ANKRD36C: variants seen among roughly 807,000 people sequenced by gnomAD.
The protein encoded by ANKRD36C is ankyrin repeat domain 36C.
In ANKRD36C, 61 loss-of-function variants were observed where a neutral mutation model predicts 276.4. That is an observed-to-expected ratio of 0.22 (90% CI 0.18 to 0.27). The LOEUF (loss-of-function observed/expected upper bound fraction) is 0.27. Among genes scored for constraint, ANKRD36C ranks in the 10% least tolerant of loss-of-function variants. ANKRD36C has a pLI of 1.00. For missense variants in ANKRD36C, 1,447 were observed against 2,032.3 expected (o/e 0.71, Z 5.54); for synonymous variants, 483 against 680.1 (o/e 0.71, Z 4.51).
intron 3 of ANKRD36C, among the ~76,000 whole-genome samples, chr2:95,984,539 G>C (rs535454635): frequency 6.6e-6 from 1 of 152,088 alleles, no homozygotes; most frequent in Non-Finnish European, 1.5e-5. Context: ...TGTATGTAAC[G>C]CAAGTATTTT....
intron 59 of ANKRD36C, among the ~76,000 whole-genome samples, chr2:95,870,545 T>A (rs1675783386): frequency 6.6e-6 from 1 of 151,858 alleles, no homozygotes. Context: ...CAAAAGTAGA[T>A]AAAACCTCAA....
chr2:95,929,047 C>T (rs774400508), intron 26 of ANKRD36C, 25 bp downstream of exon 26: 1 of 1,601,262 alleles, frequency 6.2e-7, no homozygotes. Flanking sequence ...TTGAACATGA[C>T]ATTAGAAGTG....
intron 8 of ANKRD36C, among the ~76,000 whole-genome samples, chr2:95,961,038 G>A (rs1295962554): frequency 6.6e-6 from 1 of 152,014 alleles, no homozygotes; most frequent in Non-Finnish European, 1.5e-5. Context: ...GCTCCTGCAT[G>A]TTTTTCATGT....
At chr2:95,869,072 T>C (rs1480920730) in intron 59 of ANKRD36C, among the ~76,000 whole-genome samples, 3 of 151,972 alleles carry the variant, frequency 2.0e-5, no homozygotes, top group Non-Finnish European at 4.4e-5. Flanking sequence ...TTTTCTTTCT[T>C]AGATGTCTTT....
chr2:95,876,289 CT>C (rs1283098077), intron 59 of ANKRD36C, 149 bp downstream of exon 79: 1 of 695,098 alleles, frequency 1.4e-6, no homozygotes, highest in African/African-American at 1.7e-5. Flanking sequence ...AGTTTTATAA[CT>C]AGTTAAATGT....
chr2:95,938,442 T>C (rs1265402766), intron 22 of ANKRD36C, among the ~76,000 whole-genome samples: 2 of 152,096 alleles, frequency 1.3e-5, no homozygotes, highest in Non-Finnish European at 2.9e-5. Flanking sequence ...ATAAAGTCGT[T>C]GAAGTTCTAA....
At chr2:95,894,019 T>C (rs1387440281) in intron 44 of ANKRD36C, among the ~76,000 whole-genome samples, 2 of 151,456 alleles carry the variant, frequency 1.3e-5, no homozygotes, top group South Asian at 4.1e-4. Context: ...TGAGAACAAA[T>C]GTGATCTAAA....
intron 16 of ANKRD36C, among the ~76,000 whole-genome samples, chr2:95,949,977 A>G (rs1678155582): frequency 6.6e-6 from 1 of 152,282 alleles, no homozygotes; most frequent in South Asian, 2.1e-4. Context: ...AAAATGTCAC[A>G]GAAGGAAAAA....
rs115576579 is a variant in ANKRD36C at position 95,912,583 on chromosome 2, C to T, written c.2552-148G>A. The T allele has an allele frequency of 5.7e-5, 84 of 1,474,830 alleles. No homozygotes were observed. In the Admixed American group the frequency reaches 7.4e-4, roughly 13 times the overall value. The allele number at this position is 1,474,830 out of a possible 1,614,324, so 91.4% of individuals were successfully genotyped here. On this transcript the variant is annotated intron_variant, in intron 40 of 66. Transcript: ENST00000456556. ...TCTATTTTGTGTCTGGGGACCAGAACGTGACAGAAACACACTGAAAAAAGG... is the reference window on the plus strand; with the variant it reads ...TCTATTTTGTGTCTGGGGACCAGAATGTGACAGAAACACACTGAAAAAAGG...
intron 6 of ANKRD36C, among the ~76,000 whole-genome samples, chr2:95,963,972 A>AATAAATATATATATATATAT (rs1678521503): frequency 2.0e-5 from 1 of 48,994 alleles, no homozygotes; most frequent in African/African-American, 8.4e-5. Flanking sequence ...TATATATATA[A>AATAAATATATATATATATAT]ATATATATAT....
intron 44 of ANKRD36C, among the ~76,000 whole-genome samples, chr2:95,892,769 C>A (rs1425461183): frequency 4.0e-5 from 6 of 151,142 alleles, no homozygotes; most frequent in Admixed American, 4.0e-4. Flanking sequence ...GCTATTGTAT[C>A]CAAGAGGTAG....
At chr2:95,927,079 T>A in intron 28 of ANKRD36C, 135 bp downstream of exon 28, 1 of 1,311,828 alleles carries the variant, frequency 7.6e-7, no homozygotes, top group Non-Finnish European at 1.1e-6. Context: ...CAGTGTCACC[T>A]GAGAACTGAA....
chr2:95,985,105 TGAAA>T (rs1679002690), intron 3 of ANKRD36C, among the ~76,000 whole-genome samples: 1 of 152,198 alleles, frequency 6.6e-6, no homozygotes, highest in African/African-American at 2.4e-5. Flanking sequence ...CTCAGAGTCC[TGAAA>T]GAGTCAGTCT....
rs200143756 is a variant in ANKRD36C at position 95,939,019 on chromosome 2, C to T, written c.1532-4G>A. 1.0e-5 allele frequency: 15 copies of T among 1,469,302 alleles called. No homozygotes were observed. The highest frequency in any genetic ancestry group is 1.8e-4 in the Middle Eastern group (1 of 5,612). 91.0% of individuals were successfully genotyped at this position (1,469,302 alleles called of 1,614,324 possible). A position where few individuals can be genotyped will look rare whatever the true frequency, so the allele number is the denominator to read the frequency against. On this transcript the variant is annotated splice_polypyrimidine_tract_variant and splice_region_variant and intron_variant, in intron 20 of 66. Transcript: ENST00000456556. ...AAAGGCGGTTGCTCAGGAGACACTACAAAGCAAAAGGAACACATAATTGAC... is the reference window on the plus strand; with the variant it reads ...AAAGGCGGTTGCTCAGGAGACACTATAAAGCAAAAGGAACACATAATTGAC...
intron 60 of ANKRD36C, among the ~76,000 whole-genome samples, chr2:95,861,629 AAT>A (rs1379683661): frequency 6.6e-6 from 1 of 152,030 alleles, no homozygotes; most frequent in Non-Finnish European, 1.5e-5. Flanking sequence ...ATATATATAA[AAT>A]TGAATCATAA....
At chr2:95,876,058 G>A in intron 59 of ANKRD36C, 1 of 373,036 alleles carries the variant, frequency 2.7e-6, no homozygotes, top group Non-Finnish European at 5.3e-6. Flanking sequence ...TGAACCACTA[G>A]CAATAATTAC....
intron 59 of ANKRD36C, among the ~76,000 whole-genome samples, chr2:95,871,214 T>C (rs1675803841): frequency 1.3e-5 from 2 of 151,976 alleles, no homozygotes; most frequent in Non-Finnish European, 1.5e-5. Flanking sequence ...CACATAATTG[T>C]CAGATTCACC....
intron 42 of ANKRD36C, 131 bp from the exon 45 acceptor site, chr2:95,910,699 G>T: frequency 1.3e-6 from 2 of 1,511,922 alleles, no homozygotes; most frequent in South Asian, 1.2e-5. Flanking sequence ...CTTCTACTTT[G>T]TGTCTGGGGA....
At chr2:95,931,259 T>G (rs2918910) in intron 24 of ANKRD36C, among the ~76,000 whole-genome samples, 60,749 of 150,252 alleles carry the variant, frequency 0.4, 13,142 homozygotes, top group East Asian at 0.65. Context: ...GCAGCCCCAT[T>G]GCCTCCTCTC....
Sources: allele counts gnomAD v4.1 joint callset (sites outside exome capture counted in the v4.1 genomes callset), GRCh38; gene constraint gnomAD v4.1.1; transcripts MANE v1.5; gene names NCBI Gene and HGNC (gene_info 2026-07-23, HGNC 2026-07-21).